Variants in PNLIPRP3 observed in about 807,000 individuals in gnomAD.
PNLIPRP3 encodes the protein pancreatic lipase related protein 3, also known as pancreatic lipase-related protein 3.
Under a neutral mutation model 52.8 loss-of-function variants are expected in PNLIPRP3, and 58 were observed. The ratio of observed to expected loss-of-function variants is 1.10; its 90% CI spans 0.89 to 1.37. PNLIPRP3 has a LOEUF of 1.37. Ranked by LOEUF, PNLIPRP3 falls within the 40% of genes most tolerant of loss-of-function variation. The pLI, the probability that PNLIPRP3 is intolerant of heterozygous loss-of-function variation, is 0.00. For missense variants in PNLIPRP3, 593 were observed against 561.6 expected (o/e 1.06, Z -0.57); for synonymous variants, 192 against 185.0 (o/e 1.04, Z -0.31).
intron 1 of PNLIPRP3, 136 bp from the exon 2 acceptor site, chr10:116,436,575 G>A (rs1035698253): frequency 1.9e-5 from 17 of 909,440 alleles, no homozygotes; most frequent in Non-Finnish European, 2.7e-5. Flanking sequence ...TATAGAATAG[G>A]AGAAAATATT....
At chr10:116,477,007 C>T in intron 11 of PNLIPRP3, 83 bp from the exon 12 acceptor site, 4 of 1,252,874 alleles carry the variant, frequency 3.2e-6, no homozygotes, top group Non-Finnish European at 4.5e-6. Context: ...AAGAATTACT[C>T]ATTAAATCGG....
intron 3 of PNLIPRP3, 135 bp from the exon 4 acceptor site, chr10:116,444,247 A>G: frequency 1.4e-6 from 1 of 699,600 alleles, no homozygotes; most frequent in Non-Finnish European, 2.2e-6. Context: ...AAATCAAGAT[A>G]AGATTTGGTC....
At chr10:116,452,742 C>T (rs1444167360) in intron 4 of PNLIPRP3, among the ~76,000 whole-genome samples, 2 of 152,234 alleles carry the variant, frequency 1.3e-5, no homozygotes, top group Non-Finnish European at 2.9e-5. Flanking sequence ...GTTAAATCTG[C>T]AGATGCTCAG....
chr10:116,464,371 A>G (rs1297495165), intron 7 of PNLIPRP3, among the ~76,000 whole-genome samples: 1 of 152,198 alleles, frequency 6.6e-6, no homozygotes, highest in African/African-American at 2.4e-5. Context: ...TTCACCAGCC[A>G]GAGACCTCCA....
intron 10 of PNLIPRP3, among the ~76,000 whole-genome samples, chr10:116,473,948 C>CAAAAA (rs771490177): frequency 5.8e-5 from 6 of 103,228 alleles, no homozygotes; most frequent in African/African-American, 7.3e-5. Context: ...CATATGGAAC[C>CAAAAA]AAAAAAAAAA....
At chr10:116,430,596 C>A (rs1319572490) in intron 1 of PNLIPRP3, among the ~76,000 whole-genome samples, 3 of 146,166 alleles carry the variant, frequency 2.1e-5, no homozygotes, top group African/African-American at 8.3e-5. Context: ...TTTTAATTGA[C>A]TGTAGGATTT....
intron 4 of PNLIPRP3, 83 bp downstream of exon 4, chr10:116,444,596 T>C: frequency 7.3e-7 from 1 of 1,370,656 alleles, no homozygotes; most frequent in Non-Finnish European, 1.0e-6. Flanking sequence ...TTAATGTCTT[T>C]TTTTATTAGC....
chr10:116,439,709 T>A (rs565753265), intron 2 of PNLIPRP3: 29 of 770,792 alleles, frequency 3.8e-5, no homozygotes, highest in Non-Finnish European at 5.8e-5. Flanking sequence ...CCAGGGTTTG[T>A]GGATTTGATC....
chr10:116,448,791 G>A (rs147143480), intron 4 of PNLIPRP3, among the ~76,000 whole-genome samples: 3,420 of 152,072 alleles, frequency 0.022, 131 homozygotes, highest in African/African-American at 0.079. Context: ...CGAGGCAGGC[G>A]GATCACTTGA....
At chr10:116,430,495 A>G (rs1158368201) in intron 1 of PNLIPRP3, among the ~76,000 whole-genome samples, 1 of 152,108 alleles carries the variant, frequency 6.6e-6, no homozygotes, top group Non-Finnish European at 1.5e-5. Context: ...GTAGACAGGA[A>G]ATAGGTGAAG....
chr10:116,441,795 C>T (rs1845862648), intron 2 of PNLIPRP3, among the ~76,000 whole-genome samples: 1 of 152,166 alleles, frequency 6.6e-6, no homozygotes, highest in South Asian at 2.1e-4. Context: ...TCAGAGTCCC[C>T]TTTTCTAATT....
chr10:116,437,831 G>T (rs1311151523), intron 2 of PNLIPRP3, among the ~76,000 whole-genome samples: 1 of 152,102 alleles, frequency 6.6e-6, no homozygotes, highest in East Asian at 1.9e-4. Context: ...CATTTCAAGT[G>T]CTCAATAGCC....
intron 4 of PNLIPRP3, among the ~76,000 whole-genome samples, chr10:116,445,224 T>C (rs958433931): frequency 1.4e-4 from 21 of 152,120 alleles, no homozygotes; most frequent in African/African-American, 5.1e-4. Flanking sequence ...TCTGACAAAA[T>C]GTACACTCTA....
chr10:116,442,642 T>C (rs1237458933), intron 2 of PNLIPRP3, among the ~76,000 whole-genome samples: 1 of 152,114 alleles, frequency 6.6e-6, no homozygotes, highest in Admixed American at 6.6e-5. Context: ...GGTAGGAAGA[T>C]CACTTGAGGC....
At position 116,466,153 on chromosome 10, in the gene PNLIPRP3, C is replaced by T; in HGVS notation, c.912C>T (p.Tyr304=). 6.2e-7 allele frequency: 1 copy of T among 1,601,912 alleles called. No individual in the cohort carries two copies. The highest frequency in any genetic ancestry group is 8.5e-7 in the Non-Finnish European group (1 of 1,171,068). Residue 304 remains tyrosine, a synonymous_variant, in exon 8 of 12, where the codon TAC becomes TAT. Coordinates refer to ENST00000369230, the MANE Select transcript of PNLIPRP3 (RefSeq NM_001011709.3). ...DAFIAYPCRS[Y]TSFKAGNCFF... The stretch of plus-strand genomic sequence containing the variant: ...TTATTGCTTATCCTTGTAGATCCTA[C>T]ACATCTTTTAAAGCAGTAAGTAAAT...
intron 1 of PNLIPRP3, among the ~76,000 whole-genome samples, 154 bp downstream of exon 1, chr10:116,428,215 T>G (rs754767819): frequency 8.5e-5 from 13 of 152,176 alleles, no homozygotes; most frequent in Non-Finnish European, 1.5e-4. Context: ...AAATATTGGC[T>G]GCTTATATTT....
chr10:116,476,005 G>A (rs536875608), intron 10 of PNLIPRP3, among the ~76,000 whole-genome samples: 1 of 152,112 alleles, frequency 6.6e-6, no homozygotes, highest in African/African-American at 2.4e-5. Context: ...TGGGTGCCAC[G>A]ACCAATCTGG....
intron 2 of PNLIPRP3, among the ~76,000 whole-genome samples, chr10:116,441,069 G>A (rs1490877655): frequency 1.3e-5 from 2 of 152,118 alleles, no homozygotes; most frequent in Admixed American, 1.3e-4. Context: ...TATCCTTGTG[G>A]CAGCAGAATC....
chr10:116,467,047 C>T (rs1361394414), intron 8 of PNLIPRP3, among the ~76,000 whole-genome samples: 1 of 152,208 alleles, frequency 6.6e-6, no homozygotes, highest in Non-Finnish European at 1.5e-5. Flanking sequence ...GGGATCCTGG[C>T]ATTTACTTCT....
Sources: gnomAD v4.1 joint callset for allele counts (sites outside exome capture counted in the v4.1 genomes callset) on GRCh38, gnomAD v4.1.1 for gene constraint, MANE v1.5 for transcripts, NCBI Gene and HGNC (gene_info 2026-07-23, HGNC 2026-07-21) for gene names.